The following EFTUD2 variants were observed in gnomAD, a reference collection of about 807,000 sequenced individuals.
EFTUD2 encodes 116 kDa U5 small nuclear ribonucleoprotein component.
A neutral mutation model predicts 114.3 loss-of-function variants in EFTUD2; 9 were observed. The observed-to-expected ratio is 0.08, with a 90% CI of 0.05 to 0.14. The LOEUF is 0.14. Among genes scored for constraint, EFTUD2 ranks in the 10% least tolerant of loss-of-function variants. The probability of loss-of-function intolerance (pLI) is 1.00; values close to 1 mark genes in which losing one functional copy is unlikely to be tolerated. For missense variants in EFTUD2, 765 were observed against 1,241.2 expected (o/e 0.62, Z 5.76); for synonymous variants, 449 against 462.3 (o/e 0.97, Z 0.37).
chr17:44,872,689 C>G, intron 10 of EFTUD2, 119 bp from the exon 11 acceptor site: 1 of 1,312,080 alleles, frequency 7.6e-7, no homozygotes. Context: ...GGGACTTGTG[C>G]AAGACACTCA....
chr17:44,893,295 G>T (rs1474378580), intron 2 of EFTUD2, among the ~76,000 whole-genome samples: 2 of 151,902 alleles, frequency 1.3e-5, no homozygotes, highest in African/African-American at 4.8e-5. Context: ...GCTAATATTT[G>T]TATTTTTAGT....
At chr17:44,868,498 G>A (rs541579943) in intron 11 of EFTUD2, 148 bp from the exon 12 acceptor site, 12 of 675,010 alleles carry the variant, frequency 1.8e-5, no homozygotes, top group South Asian at 4.1e-5. Flanking sequence ...AGAGGAAAAC[G>A]AGGACACTGA....
intron 2 of EFTUD2, among the ~76,000 whole-genome samples, chr17:44,890,849 T>C (rs932379807): frequency 6.6e-6 from 1 of 152,158 alleles, no homozygotes; most frequent in East Asian, 1.9e-4. Context: ...ACAATAAGCA[T>C]ATGTAGATAG....
intron 16 of EFTUD2, among the ~76,000 whole-genome samples, chr17:44,860,845 T>G (rs994748789): frequency 1.6e-4 from 24 of 152,072 alleles, no homozygotes; most frequent in Non-Finnish European, 3.2e-4. Context: ...GCAATCCTCC[T>G]GCCTCAGCCT....
intron 7 of EFTUD2, among the ~76,000 whole-genome samples, chr17:44,881,411 A>C (rs1006049141): frequency 6.6e-6 from 1 of 151,824 alleles, no homozygotes; most frequent in Non-Finnish European, 1.5e-5. Context: ...ACAAATGCAG[A>C]CATCGCCTCT....
chr17:44,872,679 G>A, intron 10 of EFTUD2, 109 bp from the exon 11 acceptor site: 4 of 1,396,310 alleles, frequency 2.9e-6, no homozygotes, highest in Non-Finnish European at 3.8e-6. Context: ...GCCCTCGGAA[G>A]GGACTTGTGC....
chr17:44,880,511 C>T, intron 8 of EFTUD2, 43 bp downstream of exon 8: 1 of 1,541,680 alleles, frequency 6.5e-7, no homozygotes, highest in Non-Finnish European at 9.0e-7. Flanking sequence ...ACACGCAAAA[C>T]CAAGACAAGG....
At chr17:44,863,249 T>C (rs2050689438) in intron 15 of EFTUD2, 1 of 262,208 alleles carries the variant, frequency 3.8e-6, no homozygotes, top group Admixed American at 5.0e-5. Flanking sequence ...TGTGTATTTA[T>C]GATAAGAAAC....
In EFTUD2 at chr17:44,850,077, C is replaced by A; in HGVS notation, c.*1197G>T. 5.0e-6 allele frequency: 2 copies of A among 399,972 alleles called. No individual in the cohort carries two copies. The highest frequency in any genetic ancestry group is 4.6e-6 in the Non-Finnish European group (1 of 216,352). 24.8% of individuals were successfully genotyped at this position (399,972 alleles called of 1,614,324 possible). A position where few individuals can be genotyped will look rare whatever the true frequency, so the allele number is the denominator to read the frequency against. On this transcript the variant is annotated 3_prime_UTR_variant, in exon 28 of 28. Transcript: ENST00000426333. ...ATGACAATAACCACCCCTGGCCTGC[C>A]TACCTTGCAGGCTGCTGTGAGGTTT...
intron 17 of EFTUD2, 52 bp from the exon 18 acceptor site, chr17:44,860,097 A>G (rs752819005): frequency 1.9e-6 from 3 of 1,613,674 alleles, no homozygotes; most frequent in Middle Eastern, 1.6e-4. Context: ...GCAGGCACAG[A>G]AAGTGCAGAG....
At chr17:44,880,467 C>A in intron 8 of EFTUD2, 87 bp downstream of exon 8, 1 of 911,082 alleles carries the variant, frequency 1.1e-6, no homozygotes, top group East Asian at 2.5e-5. Flanking sequence ...AACAAAGATG[C>A]ACTGCTCCGT....
At chr17:44,868,607 A>C in intron 11 of EFTUD2, 1 of 458,522 alleles carries the variant, frequency 2.2e-6, no homozygotes, top group Non-Finnish European at 3.9e-6. Context: ...ACTAGGATTG[A>C]ACTATGGACA....
chr17:44,888,803 T>A (rs1000188945), intron 2 of EFTUD2, among the ~76,000 whole-genome samples: 2 of 152,066 alleles, frequency 1.3e-5, no homozygotes, highest in Non-Finnish European at 2.9e-5. Context: ...GCTCAGTACT[T>A]AGGTGTGAGT....
At chr17:44,865,333 T>C (rs1350952004) in intron 13 of EFTUD2, 2 of 364,630 alleles carry the variant, frequency 5.5e-6, no homozygotes, top group Non-Finnish European at 9.9e-6. Context: ...TGCTGCCCCC[T>C]GGTGTCTGAA....
chr17:44,860,192 G>A lies in EFTUD2; in HGVS notation c.1720-147C>T, dbSNP rs542821770. ...TGGTGCTGAGTGGGGGTAACCTGAAGGGCCATTTCTTCCCAGGTATTCTGG... is the reference window on the plus strand; with the variant it reads ...TGGTGCTGAGTGGGGGTAACCTGAAAGGCCATTTCTTCCCAGGTATTCTGG... On this transcript the variant is annotated intron_variant, in intron 17 of 27. Transcript: ENST00000426333. 3.6e-6 allele frequency: 4 copies of A among 1,110,728 alleles called. No homozygotes were observed. In the Admixed American group the frequency reaches 7.2e-5, roughly 20 times the overall value. The allele number at this position is 1,110,728 out of a possible 1,614,324, so 68.8% of individuals were successfully genotyped here. A position where few individuals can be genotyped will look rare whatever the true frequency, so the allele number is the denominator to read the frequency against.
At chr17:44,852,304 G>A in intron 26 of EFTUD2, 105 bp downstream of exon 26, 1 of 1,427,066 alleles carries the variant, frequency 7.0e-7, no homozygotes, top group Non-Finnish European at 9.5e-7. Flanking sequence ...CTCTTCTCCA[G>A]GATGCTGTAC....
At chr17:44,875,905 C>T (rs2050939475) in intron 10 of EFTUD2, 29 bp downstream of exon 10, 1 of 1,606,188 alleles carries the variant, frequency 6.2e-7, no homozygotes, top group African/African-American at 1.3e-5. Flanking sequence ...CCTCCGAGGA[C>T]AGGAAATCCA....
rs139564491 is a variant in EFTUD2 at position 44,852,556 on chromosome 17, G to A, written c.2568C>T (p.His856=). Residue 856 remains histidine, a synonymous_variant, in exon 26 of 28, where the codon CAC becomes CAT. Transcript: ENST00000426333. ...CTGGGATGGGTGCATCCTGAGTCAC[G>A]TGCCCCCTGAGACAGAAAAACAAAG... ...VYTVLARRRG[H]VTQDAPIPGS... The A allele has an allele frequency of 2.2e-5, 35 of 1,613,916 alleles. No homozygotes were observed. The highest frequency in any genetic ancestry group is 3.3e-4 in the Middle Eastern group (2 of 6,062).
At chr17:44,868,233 C>A (rs2050785888) in intron 12 of EFTUD2, 54 bp downstream of exon 12, 1 of 1,498,134 alleles carries the variant, frequency 6.7e-7, no homozygotes. Context: ...ACTGTCCTCA[C>A]TTACTGGGTA....
Sources: allele counts gnomAD v4.1 joint callset (sites outside exome capture counted in the v4.1 genomes callset), GRCh38; gene constraint gnomAD v4.1.1; transcripts MANE v1.5; gene names NCBI Gene and HGNC (gene_info 2026-07-23, HGNC 2026-07-21).